Variants in CENPW observed in about 807,000 individuals in gnomAD.
CENPW encodes the protein cancer-up-regulated gene 2 protein.
Under a neutral mutation model 11.1 loss-of-function variants are expected in CENPW, and 3 were observed. The observed-to-expected ratio is 0.27, with a 90% CI of 0.12 to 0.70. The LOEUF is 0.70. CENPW is among the 30% of genes least tolerant of loss of function. The probability of loss-of-function intolerance (pLI) is 0.77; values close to 1 mark genes in which losing one functional copy is unlikely to be tolerated. For missense variants in CENPW, 100 were observed against 105.6 expected (o/e 0.95, Z 0.23); for synonymous variants, 38 against 42.0 (o/e 0.91, Z 0.37).
the CENPW span, among the ~76,000 whole-genome samples, chr6:126,365,204 T>A: frequency 2.6e-5 from 4 of 152,212 alleles, no homozygotes; most frequent in Non-Finnish European, 5.9e-5. Context: ...GTCAGGGATA[T>A]AATTAAAATG....
the CENPW span, among the ~76,000 whole-genome samples, chr6:126,422,282 C>CT: frequency 6.6e-6 from 1 of 152,082 alleles, no homozygotes; most frequent in Non-Finnish European, 1.5e-5. Flanking sequence ...TTATATACCT[C>CT]TTTTTATTAG....
At chr6:126,430,063 C>T in the CENPW span, among the ~76,000 whole-genome samples, 4 of 152,296 alleles carry the variant, frequency 2.6e-5, no homozygotes, top group Admixed American at 6.5e-5. Context: ...TCTGTGGCAT[C>T]TGTTAGCTCA....
chr6:126,353,797 T>C (rs568072171), downstream of CENPW, among the ~76,000 whole-genome samples: 55 of 152,254 alleles, frequency 3.6e-4, no homozygotes, highest in African/African-American at 1.1e-3. Flanking sequence ...CTCTGTCTTT[T>C]AGTTTGGCTA....
the CENPW span, among the ~76,000 whole-genome samples, chr6:126,452,603 T>C: frequency 2.6e-5 from 4 of 150,948 alleles, no homozygotes; most frequent in Non-Finnish European, 4.5e-5. Flanking sequence ...AGGAAAAAGA[T>C]ATTTTTAAAA....
At chr6:126,385,410 A>G in the CENPW span, among the ~76,000 whole-genome samples, 1 of 152,212 alleles carries the variant, frequency 6.6e-6, no homozygotes, top group Non-Finnish European at 1.5e-5. Flanking sequence ...TATACCATGG[A>G]ATATTATGCA....
chr6:126,479,693 T>C, the CENPW span, among the ~76,000 whole-genome samples: 5 of 152,050 alleles, frequency 3.3e-5, no homozygotes, highest in Non-Finnish European at 7.4e-5. Flanking sequence ...CGTTTACATT[T>C]GGATCTTTAA....
the CENPW span, among the ~76,000 whole-genome samples, chr6:126,468,905 G>C: frequency 6.6e-6 from 1 of 152,096 alleles, no homozygotes; most frequent in Non-Finnish European, 1.5e-5. Context: ...CTGGGTTGAA[G>C]TGATCTCCTC....
At chr6:126,407,443 T>C in the CENPW span, among the ~76,000 whole-genome samples, 1 of 152,216 alleles carries the variant, frequency 6.6e-6, no homozygotes, top group Non-Finnish European at 1.5e-5. Context: ...CCTGTGGGTA[T>C]ATACCCAGTA....
chr6:126,370,843 C>A, the CENPW span, among the ~76,000 whole-genome samples: 3 of 151,870 alleles, frequency 2.0e-5, no homozygotes, highest in Non-Finnish European at 4.4e-5. Flanking sequence ...ACCTCCGCCT[C>A]CCAGGTTCAA....
the CENPW span, among the ~76,000 whole-genome samples, chr6:126,436,146 T>A: frequency 6.6e-6 from 1 of 151,768 alleles, no homozygotes; most frequent in Non-Finnish European, 1.5e-5. Context: ...ATAATCGATT[T>A]GATGTATTTT....
chr6:126,390,849 A>G, the CENPW span, among the ~76,000 whole-genome samples: 2 of 152,148 alleles, frequency 1.3e-5, no homozygotes, highest in East Asian at 3.9e-4. Context: ...TATATGTACC[A>G]CATTTTCTTT....
chr6:126,437,736 G>C, the CENPW span, among the ~76,000 whole-genome samples: 1 of 151,538 alleles, frequency 6.6e-6, no homozygotes, highest in African/African-American at 2.4e-5. Context: ...TTTTGGTTTT[G>C]TTCTACTCTC....
the CENPW span, among the ~76,000 whole-genome samples, chr6:126,406,581 C>T: frequency 6.6e-6 from 1 of 152,104 alleles, no homozygotes; most frequent in Non-Finnish European, 1.5e-5. Context: ...AGGCCAGGCA[C>T]AGTGGCTCAT....
the CENPW span, among the ~76,000 whole-genome samples, chr6:126,415,486 T>G: frequency 3.8e-3 from 580 of 152,240 alleles, no homozygotes; most frequent in Non-Finnish European, 7.0e-3. Context: ...AGATTGAGAC[T>G]TATAGAAGTT....
chr6:126,385,926 AAAG>A, the CENPW span, among the ~76,000 whole-genome samples: 13 of 152,262 alleles, frequency 8.5e-5, no homozygotes, highest in South Asian at 2.1e-4. Context: ...TTCATATTGA[AAAG>A]AAGGAGGAGA....
chr6:126,411,890 A>ACCTT, the CENPW span, among the ~76,000 whole-genome samples: 2 of 143,350 alleles, frequency 1.4e-5, no homozygotes, highest in South Asian at 2.3e-4. Context: ...CGTCCTTCCT[A>ACCTT]CCTTCCTTCC....
At chr6:126,341,677 G>A (rs753058542) in intron 1 of CENPW, among the ~76,000 whole-genome samples, 27 of 152,220 alleles carry the variant, frequency 1.8e-4, no homozygotes, top group Non-Finnish European at 3.5e-4. Context: ...ACAAATGAAC[G>A]GAATTCAAAT....
At chr6:126,465,250 GATTAAA>G in the CENPW span, among the ~76,000 whole-genome samples, 1 of 151,906 alleles carries the variant, frequency 6.6e-6, no homozygotes, top group Non-Finnish European at 1.5e-5. Flanking sequence ...TTCAGTTAAA[GATTAAA>G]ATTAAAAACA....
chr6:126,425,550 G>A, the CENPW span, among the ~76,000 whole-genome samples: 13 of 151,984 alleles, frequency 8.6e-5, 1 homozygote, highest in Non-Finnish European at 1.9e-4. Context: ...AGACTCTTAT[G>A]AAATTGTCAA....
Sources: gnomAD v4.1 joint callset for allele counts (sites outside exome capture counted in the v4.1 genomes callset) on GRCh38, gnomAD v4.1.1 for gene constraint, MANE v1.5 for transcripts, NCBI Gene and HGNC (gene_info 2026-07-23, HGNC 2026-07-21) for gene names.